STX3: variants seen among roughly 807,000 people sequenced by gnomAD.
STX3 encodes syntaxin-3.
Under a neutral mutation model 40.2 loss-of-function variants are expected in STX3, and 19 were observed. The ratio of observed to expected loss-of-function variants is 0.47; its 90% CI spans 0.33 to 0.69. The LOEUF is 0.69. STX3 is among the 30% of genes least tolerant of loss of function. STX3 has a pLI of 0.02. For missense variants in STX3, 364 were observed against 366.7 expected (o/e 0.99, Z 0.06); for synonymous variants, 122 against 132.2 (o/e 0.92, Z 0.53).
intron 2 of STX3, among the ~76,000 whole-genome samples, chr11:59,785,428 C>T (rs1271879824): frequency 2.0e-5 from 3 of 152,108 alleles, no homozygotes; most frequent in Non-Finnish European, 4.4e-5. Context: ...ACCTCCCAGG[C>T]TCAAGGGATC....
At chr11:59,799,765 A>AC (rs1216613542) in intron 10 of STX3, 2 of 985,310 alleles carry the variant, frequency 2.0e-6, no homozygotes, top group Non-Finnish European at 2.4e-6. Flanking sequence ...TCATCTTGAA[A>AC]GATAAGCAAC....
Position 59,755,574 on chromosome 11 carries a change from C to G in STX3, c.-32C>G. ...ACCTGGGACGCGCTCACCTGGGACG[C>G]GCTACCTGCCTCCGGGCGCCTGGGC... On this transcript the variant is annotated 5_prime_UTR_variant, in exon 1 of 11. Transcript: ENST00000337979. 6.3e-7 allele frequency: 1 copy of G among 1,592,596 alleles called. No individual in the cohort carries two copies. Among genetic ancestry groups the G allele is most frequent in the Non-Finnish European group, 8.5e-7 (1 of 1,176,550 alleles).
intron 2 of STX3, among the ~76,000 whole-genome samples, chr11:59,774,824 C>G (rs1863866229): frequency 6.6e-6 from 1 of 151,482 alleles, no homozygotes; most frequent in Non-Finnish European, 1.5e-5. Context: ...GCGGTAGACT[C>G]CGTCTCAAAA....
intron 1 of STX3, among the ~76,000 whole-genome samples, chr11:59,771,828 T>C (rs1467080604): frequency 6.6e-6 from 1 of 152,110 alleles, no homozygotes; most frequent in South Asian, 2.1e-4. Context: ...CATTGGATGA[T>C]GTTACGTGGC....
chr11:59,801,345 C>T lies in STX3; in HGVS notation c.*521C>T, dbSNP rs1330678671. The T allele has an allele frequency of 8.1e-6, 8 of 990,402 alleles. No homozygotes were observed. The African/African-American group carries it at 1.4e-4, about 17-fold the overall frequency. The allele number at this position is 990,402 out of a possible 1,614,324, so 61.4% of individuals were successfully genotyped here. On this transcript the variant is annotated 3_prime_UTR_variant, in exon 11 of 11. Transcript: ENST00000337979. Reference sequence around the variant, plus strand: ...CCAATCCTGTTTGTTGTCCGTATGTCCTGAAAACATGAGGGACTGGCAGAT... The same window carrying T: ...CCAATCCTGTTTGTTGTCCGTATGTTCTGAAAACATGAGGGACTGGCAGAT...
chr11:59,760,729 G>A (rs184073581), intron 1 of STX3, among the ~76,000 whole-genome samples: 16 of 152,224 alleles, frequency 1.1e-4, no homozygotes, highest in South Asian at 8.3e-4. Context: ...TATTATTCTC[G>A]TTTTACAAGT....
At chr11:59,800,588 C>T in intron 10 of STX3, 1 of 985,410 alleles carries the variant, frequency 1.0e-6, no homozygotes, top group South Asian at 4.7e-5. Context: ...ATTGTCCCTT[C>T]CCACCACGTC....
At chr11:59,778,137 C>T (rs1437150981) in intron 2 of STX3, among the ~76,000 whole-genome samples, 1 of 152,154 alleles carries the variant, frequency 6.6e-6, no homozygotes. Context: ...CATAGCACAT[C>T]ACTTCTGCTT....
chr11:59,796,008 G>C (rs7114773), intron 9 of STX3, among the ~76,000 whole-genome samples: 15,821 of 152,172 alleles, frequency 0.1, 1,147 homozygotes, highest in African/African-American at 0.2. Flanking sequence ...AGCTCATGAG[G>C]CTTTCAGATG....
chr11:59,781,966 A>T (rs1038178958), intron 2 of STX3, among the ~76,000 whole-genome samples: 1 of 152,230 alleles, frequency 6.6e-6, no homozygotes, highest in Non-Finnish European at 1.5e-5. Context: ...ATTAATGCTC[A>T]ACTAGAGGTA....
At chr11:59,754,636 T>A (rs931774121), upstream of STX3, 2 of 152,172 alleles carry the variant, frequency 1.3e-5, no homozygotes, top group African/African-American at 4.8e-5. Flanking sequence ...AAGTTCTGTA[T>A]TTTAAAGCCC....
chr11:59,787,919 T>G (rs1375803309), intron 3 of STX3, among the ~76,000 whole-genome samples: 3 of 152,178 alleles, frequency 2.0e-5, no homozygotes, highest in Non-Finnish European at 4.4e-5. Context: ...CCCTCTTACC[T>G]AAAGACTGAA....
At chr11:59,786,973 T>G in intron 2 of STX3, 64 bp from the exon 3 acceptor site, 1 of 1,442,142 alleles carries the variant, frequency 6.9e-7, no homozygotes, top group South Asian at 1.2e-5. Context: ...TGCCAAACGT[T>G]TATCTCAGCC....
chr11:59,795,718 C>T (rs1297924541), intron 9 of STX3: 3 of 1,535,278 alleles, frequency 2.0e-6, no homozygotes, highest in Non-Finnish European at 2.6e-6. Flanking sequence ...GGAGGGTGAG[C>T]ACCTTCATCT....
intron 1 of STX3, among the ~76,000 whole-genome samples, chr11:59,765,278 C>G (rs1863225961): frequency 6.6e-6 from 1 of 152,094 alleles, no homozygotes; most frequent in South Asian, 2.1e-4. Flanking sequence ...TGACTCTTCA[C>G]ATAGGAAACA....
At chr11:59,785,329 C>CT (rs571697191) in intron 2 of STX3, among the ~76,000 whole-genome samples, 38 of 151,140 alleles carry the variant, frequency 2.5e-4, no homozygotes, top group African/African-American at 4.1e-4. Flanking sequence ...TTTCTTTTCC[C>CT]TTTTTTTTTG....
chr11:59,761,795 G>C (rs1025619426), intron 1 of STX3, among the ~76,000 whole-genome samples: 2 of 151,868 alleles, frequency 1.3e-5, no homozygotes, highest in Non-Finnish European at 2.9e-5. Context: ...GTCTGGGTTA[G>C]GACAGCTCAG....
At chr11:59,795,544 T>A in intron 9 of STX3, 62 bp downstream of exon 9, 1 of 1,556,192 alleles carries the variant, frequency 6.4e-7, no homozygotes, top group Non-Finnish European at 8.7e-7. Context: ...TCTCGCTCTT[T>A]CTCTTCCCTC....
At chr11:59,759,191 C>T (rs1862896781) in intron 1 of STX3, among the ~76,000 whole-genome samples, 2 of 152,236 alleles carry the variant, frequency 1.3e-5, no homozygotes, top group South Asian at 4.1e-4. Flanking sequence ...ATCCTCTCAA[C>T]CCTGCAAAGC....
Sources: gnomAD v4.1 joint callset for allele counts (sites outside exome capture counted in the v4.1 genomes callset) on GRCh38, gnomAD v4.1.1 for gene constraint, MANE v1.5 for transcripts, NCBI Gene and HGNC (gene_info 2026-07-23, HGNC 2026-07-21) for gene names.